TCF12: variants seen among roughly 807,000 people sequenced by gnomAD.
The protein encoded by TCF12 is DNA-binding protein HTF4.
A neutral mutation model predicts 86.0 loss-of-function variants in TCF12; 45 were observed. The observed-to-expected ratio is 0.52, with a 90% confidence interval of 0.41 to 0.67. TCF12 has a LOEUF of 0.67. Ranked by LOEUF, TCF12 falls within the 30% of genes least tolerant of loss-of-function variation. TCF12 has a pLI of 0.00. For missense variants in TCF12, 881 were observed against 859.9 expected, an observed-to-expected ratio of 1.02 and a Z score of -0.31; for synonymous variants, 330 against 299.6, an observed-to-expected ratio of 1.10 and a Z score of -1.05.
At chr15:57,183,717 G>A (rs1229263635) in intron 6 of TCF12, among the ~76,000 whole-genome samples, 1 of 152,100 alleles carries the variant, frequency 6.6e-6, no homozygotes, top group Admixed American at 6.5e-5. Context: ...ATTAACTAGG[G>A]CCAATAACTG....
At chr15:57,250,132 A>G (rs1168362214) in intron 13 of TCF12, among the ~76,000 whole-genome samples, 1 of 152,184 alleles carries the variant, frequency 6.6e-6, no homozygotes, top group Non-Finnish European at 1.5e-5. Flanking sequence ...TAATTAATGT[A>G]TTTGGTATAA....
intron 6 of TCF12, among the ~76,000 whole-genome samples, chr15:57,176,084 ACTC>A (rs1700244576): frequency 6.6e-6 from 1 of 151,982 alleles, no homozygotes; most frequent in Admixed American, 6.6e-5. Flanking sequence ...CTGTATTCCC[ACTC>A]CTCTGGAGGC....
intron 4 of TCF12, among the ~76,000 whole-genome samples, chr15:57,073,114 C>T (rs1430129352): frequency 1.3e-5 from 2 of 152,108 alleles, no homozygotes; most frequent in Non-Finnish European, 2.9e-5. Context: ...AGAGGCTTTG[C>T]TGTGGATCTT....
At chr15:57,240,891 A>AAAAG (rs2059591988) in intron 12 of TCF12, among the ~76,000 whole-genome samples, 3 of 150,922 alleles carry the variant, frequency 2.0e-5, no homozygotes, top group Non-Finnish European at 4.4e-5. Context: ...AAAAAAAAAA[A>AAAAG]AAAAAAAAAA....
At chr15:57,222,671 G>C (rs1268806505) in intron 8 of TCF12, among the ~76,000 whole-genome samples, 3 of 147,272 alleles carry the variant, frequency 2.0e-5, no homozygotes, top group African/African-American at 7.5e-5. Flanking sequence ...TCATTAATTT[G>C]AGTAAATTTT....
intron 5 of TCF12, among the ~76,000 whole-genome samples, chr15:57,123,662 A>G (rs1387316672): frequency 6.6e-6 from 1 of 151,838 alleles, no homozygotes; most frequent in East Asian, 1.9e-4. Flanking sequence ...AAAAAAAAAA[A>G]GTTTTAAGGC....
At chr15:57,164,276 G>A (rs1318985443) in intron 5 of TCF12, among the ~76,000 whole-genome samples, 3 of 152,148 alleles carry the variant, frequency 2.0e-5, no homozygotes, top group African/African-American at 7.2e-5. Context: ...AACTGTGGGT[G>A]TATTAGTTCG....
At chr15:57,242,196 C>G (rs1303392953) in intron 12 of TCF12, among the ~76,000 whole-genome samples, 1 of 152,158 alleles carries the variant, frequency 6.6e-6, no homozygotes, top group Non-Finnish European at 1.5e-5. Flanking sequence ...AAGGTCATTT[C>G]TACTGGATGA....
intron 15 of TCF12, 90 bp downstream of exon 15, chr15:57,252,582 C>A: frequency 9.4e-7 from 1 of 1,061,058 alleles, no homozygotes; most frequent in Non-Finnish European, 1.4e-6. Flanking sequence ...GTACAGACTC[C>A]CATCTTTAAA....
intron 3 of TCF12, among the ~76,000 whole-genome samples, chr15:57,033,496 T>G (rs2066327103): frequency 6.6e-6 from 1 of 152,186 alleles, no homozygotes. Flanking sequence ...CATTATTGTC[T>G]GAACTGAATC....
chr15:57,205,830 G>A (rs963971497), intron 8 of TCF12, among the ~76,000 whole-genome samples: 1 of 152,106 alleles, frequency 6.6e-6, no homozygotes, highest in Non-Finnish European at 1.5e-5. Context: ...GTGAGAAGTC[G>A]GTAATGTCTT....
intron 3 of TCF12, among the ~76,000 whole-genome samples, chr15:57,063,151 T>A (rs1344893664): frequency 5.9e-5 from 9 of 152,208 alleles, no homozygotes; most frequent in African/African-American, 2.2e-4. Context: ...AATCAAATTG[T>A]GTATAATTTT....
At chr15:57,238,191 C>T (rs964771782) in intron 12 of TCF12, among the ~76,000 whole-genome samples, 8 of 151,992 alleles carry the variant, frequency 5.3e-5, no homozygotes, top group Admixed American at 3.3e-4. Flanking sequence ...TGCTGTTTCT[C>T]CCGTTTAGAC....
At chr15:57,195,453 A>G (rs2057210443) in intron 7 of TCF12, among the ~76,000 whole-genome samples, 1 of 152,196 alleles carries the variant, frequency 6.6e-6, no homozygotes, top group Non-Finnish European at 1.5e-5. Flanking sequence ...TACAAGGAGT[A>G]TGGCTTTTGT....
intron 3 of TCF12, among the ~76,000 whole-genome samples, chr15:57,027,966 CT>C (rs1322410891): frequency 2.0e-5 from 3 of 149,634 alleles, no homozygotes; most frequent in Admixed American, 6.7e-5. Context: ...ACCTATGTTT[CT>C]TTTTTTTTTC....
intron 17 of TCF12, among the ~76,000 whole-genome samples, chr15:57,262,461 G>C (rs1414180309): frequency 6.6e-6 from 1 of 152,114 alleles, no homozygotes; most frequent in Non-Finnish European, 1.5e-5. Context: ...ACCTCTTCCT[G>C]TTCTGTCATG....
At chr15:57,143,728 A>G (rs2733333) in intron 5 of TCF12, among the ~76,000 whole-genome samples, 112,515 of 152,056 alleles carry the variant, frequency 0.74, 42,719 homozygotes, top group Non-Finnish European at 0.83. Flanking sequence ...TACTCAAAAG[A>G]CTGTTTAAAA....
intron 5 of TCF12, among the ~76,000 whole-genome samples, chr15:57,102,688 G>T (rs2049844076): frequency 6.6e-6 from 1 of 152,020 alleles, no homozygotes; most frequent in East Asian, 1.9e-4. Flanking sequence ...CAGACGTGAT[G>T]GTTGGTGGTT....
rs213152 is a variant in TCF12 at position 56,921,373 on chromosome 15, G to A, written c.148+275G>A. Among the ~76,000 whole-genome samples the A allele has an allele frequency of 0.18, 27,615 of 151,706 alleles. 2,988 individuals carry two copies. Among genetic ancestry groups the A allele is most frequent in the Non-Finnish European group, 0.24 (16,188 of 67,746 alleles). On this transcript the variant is annotated intron_variant, in intron 3 of 20. Coordinates refer to ENST00000333725, the MANE Select transcript of TCF12 (RefSeq NM_207037.2). ...ACTTAGATTTATTTTTAAATGATAA[G>A]TATTAGATGACTGAATCCTTTCCTA...
Sources: allele counts gnomAD v4.1 joint callset (sites outside exome capture counted in the v4.1 genomes callset), GRCh38; gene constraint gnomAD v4.1.1; transcripts MANE v1.5; gene names NCBI Gene and HGNC (gene_info 2026-07-23, HGNC 2026-07-21).